The following SKAP1 variants were observed in gnomAD, a reference collection of about 807,000 sequenced individuals.
SKAP1 encodes src kinase associated phosphoprotein 1.
Under a neutral mutation model 58.5 loss-of-function variants are expected in SKAP1, and 44 were observed. That is an observed-to-expected ratio of 0.75 (90% confidence interval 0.59 to 0.97). The LOEUF (loss-of-function observed/expected upper bound fraction) is 0.97, where lower values mean the gene tolerates loss of function less well. Among genes scored for constraint, SKAP1 ranks in the 50% least tolerant of loss-of-function variants. The pLI is 0.00. For missense variants in SKAP1, 390 were observed against 435.2 expected (o/e 0.90, Z 0.92); for synonymous variants, 127 against 149.7 (o/e 0.85, Z 1.11).
chr17:48,153,093 C>A (rs1041081269), intron 11 of SKAP1, among the ~76,000 whole-genome samples: 2 of 151,818 alleles, frequency 1.3e-5, no homozygotes, highest in Non-Finnish European at 2.9e-5. Context: ...TTGTCCAGGA[C>A]AACTGTTTAG....
chr17:48,344,795 G>A (rs2066700706), intron 4 of SKAP1, among the ~76,000 whole-genome samples: 1 of 151,996 alleles, frequency 6.6e-6, no homozygotes, highest in South Asian at 2.1e-4. Context: ...CTTATGTGGA[G>A]GTTATCAAGT....
At chr17:48,307,299 ATTTGT>A (rs910477414) in intron 4 of SKAP1, 12 of 152,164 alleles carry the variant, frequency 7.9e-5, no homozygotes, top group African/African-American at 2.2e-4. Flanking sequence ...GAATATACTA[ATTTGT>A]TTTGTTTTGT....
At chr17:48,369,189 G>A (rs2067052709) in intron 2 of SKAP1, among the ~76,000 whole-genome samples, 4 of 134,984 alleles carry the variant, frequency 3.0e-5, no homozygotes. Flanking sequence ...ATAAAATAAA[G>A]ATGTTTTAAC....
chr17:48,202,747 A>G (rs1248146508), intron 4 of SKAP1, among the ~76,000 whole-genome samples: 1 of 152,218 alleles, frequency 6.6e-6, no homozygotes, highest in African/African-American at 2.4e-5. Flanking sequence ...TGCACAGCTC[A>G]TTAACTAAGG....
chr17:48,243,629 T>G (rs1488420790), intron 4 of SKAP1, among the ~76,000 whole-genome samples: 2 of 152,138 alleles, frequency 1.3e-5, no homozygotes, highest in African/African-American at 4.8e-5. Context: ...TATAAAAAAT[T>G]TAATCTGTAC....
At chr17:48,270,606 G>T (rs2065616912) in intron 4 of SKAP1, among the ~76,000 whole-genome samples, 1 of 152,060 alleles carries the variant, frequency 6.6e-6, no homozygotes, top group Non-Finnish European at 1.5e-5. Context: ...CTCCCAAAGT[G>T]CTGGGGCTAC....
At chr17:48,426,559 G>C (rs867589817) in intron 1 of SKAP1, among the ~76,000 whole-genome samples, 1 of 152,202 alleles carries the variant, frequency 6.6e-6, no homozygotes, top group Non-Finnish European at 1.5e-5. Context: ...CAAACTGCCA[G>C]CACTTCATTG....
rs554248155 is a variant in SKAP1, at chr17:48,300,661, T to C, written c.280+45244A>G. 2.6e-5 allele frequency among the ~76,000 whole-genome samples: 4 copies of C among 152,362 alleles called. No homozygotes were observed. In the South Asian group the frequency reaches 8.3e-4, roughly 32 times the overall value. ...TAGCATTTTGCTCCTCCATGAATTCTCTATTTAATGATTAATGTTTGTTGA... is the reference window on the plus strand; with the variant it reads ...TAGCATTTTGCTCCTCCATGAATTCCCTATTTAATGATTAATGTTTGTTGA... On this transcript the variant is annotated intron_variant, in intron 4 of 12. Transcript: ENST00000336915.
upstream of SKAP1, among the ~76,000 whole-genome samples, chr17:48,434,681 A>G (rs893182765): frequency 1.3e-5 from 2 of 152,114 alleles, no homozygotes; most frequent in Non-Finnish European, 2.9e-5. Flanking sequence ...CAAATTCAAG[A>G]TAAGGAACAG....
chr17:48,382,619 G>A (rs942275113), intron 2 of SKAP1: 7 of 152,314 alleles, frequency 4.6e-5, no homozygotes, highest in Admixed American at 1.3e-4. Context: ...CAGAGATAAC[G>A]AACCTCTAAA....
chr17:48,336,443 G>T (rs1005566019), intron 4 of SKAP1, among the ~76,000 whole-genome samples: 1 of 152,098 alleles, frequency 6.6e-6, no homozygotes, highest in African/African-American at 2.4e-5. Context: ...AGGATTAAGA[G>T]AACTGAAATT....
intron 11 of SKAP1, among the ~76,000 whole-genome samples, chr17:48,144,934 A>AT (rs2063810402): frequency 6.6e-6 from 1 of 152,234 alleles, no homozygotes; most frequent in Non-Finnish European, 1.5e-5. Flanking sequence ...GGGCTTCAGA[A>AT]TTATACATGC....
chr17:48,170,231 C>T (rs942550389), intron 10 of SKAP1, among the ~76,000 whole-genome samples: 4 of 152,176 alleles, frequency 2.6e-5, no homozygotes, highest in Admixed American at 6.5e-5. Context: ...TTGCAATCTC[C>T]GGGCCTCTCA....
At chr17:48,329,409 G>A (rs2066476277) in intron 4 of SKAP1, among the ~76,000 whole-genome samples, 1 of 152,118 alleles carries the variant, frequency 6.6e-6, no homozygotes, top group African/African-American at 2.4e-5. Flanking sequence ...ATCTGGAGGA[G>A]TAACAATCAA....
intron 1 of SKAP1, among the ~76,000 whole-genome samples, chr17:48,411,407 A>G (rs1256223208): frequency 8.2e-6 from 1 of 122,442 alleles, no homozygotes; most frequent in African/African-American, 2.6e-5. Context: ...TCAAATAAAT[A>G]AATAAATAAA....
intron 4 of SKAP1, among the ~76,000 whole-genome samples, chr17:48,260,437 T>G (rs1003091667): frequency 5.3e-5 from 8 of 152,140 alleles, no homozygotes; most frequent in African/African-American, 1.7e-4. Context: ...AAACAAACAC[T>G]AGAAACATTA....
At chr17:48,372,924 C>G (rs1052460611) in intron 2 of SKAP1, among the ~76,000 whole-genome samples, 1 of 152,176 alleles carries the variant, frequency 6.6e-6, no homozygotes, top group African/African-American at 2.4e-5. Context: ...ACTGGGATTA[C>G]AGGCATGAGC....
intron 7 of SKAP1, among the ~76,000 whole-genome samples, chr17:48,184,483 G>A (rs2064417262): frequency 6.6e-6 from 1 of 152,198 alleles, no homozygotes; most frequent in South Asian, 2.1e-4. Context: ...GTGAAATTGA[G>A]AAGGGGAGGA....
intron 11 of SKAP1, among the ~76,000 whole-genome samples, chr17:48,154,259 C>T (rs1057273485): frequency 2.0e-5 from 3 of 152,214 alleles, no homozygotes; most frequent in African/African-American, 7.2e-5. Context: ...GTTTAAGTAG[C>T]TGCAGTCCAG....
Sources: gnomAD v4.1 joint callset for allele counts (sites outside exome capture counted in the v4.1 genomes callset) on GRCh38, gnomAD v4.1.1 for gene constraint, MANE v1.5 for transcripts, NCBI Gene and HGNC (gene_info 2026-07-23, HGNC 2026-07-21) for gene names.